The following USH2A variants were observed in gnomAD, a reference collection of about 807,000 sequenced individuals.
USH2A encodes usherin.
A neutral mutation model predicts 538.9 loss-of-function variants in USH2A; 443 were observed. The observed-to-expected ratio is 0.82, with a 90% confidence interval of 0.76 to 0.89. The LOEUF (loss-of-function observed/expected upper bound fraction) is 0.89, where lower values mean the gene tolerates loss of function less well. Among genes scored for constraint, USH2A ranks in the 40% least tolerant of loss-of-function variants. The pLI, the probability that USH2A is intolerant of heterozygous loss-of-function variation, is 0.00. For synonymous variants in USH2A, 2,413 were observed against 2,273.5 expected (o/e 1.06, Z -1.75); for missense variants, 6,633 against 6,324.8 (o/e 1.05, Z -1.65).
At chr1:215,865,321 C>G (rs1287200173) in intron 44 of USH2A, among the ~76,000 whole-genome samples, 1 of 152,238 alleles carries the variant, frequency 6.6e-6, no homozygotes, top group Admixed American at 6.5e-5. Context: ...ACCTACATCC[C>G]GAAGGTCAGA....
chr1:216,296,211 A>C (rs1048703310), intron 9 of USH2A, among the ~76,000 whole-genome samples: 13 of 152,112 alleles, frequency 8.5e-5, no homozygotes, highest in African/African-American at 3.1e-4. Flanking sequence ...CTACTTTTTA[A>C]TAATTGGTAA....
intron 2 of USH2A, among the ~76,000 whole-genome samples, chr1:216,419,074 A>T (rs1248433316): frequency 6.6e-6 from 1 of 151,604 alleles, no homozygotes; most frequent in Non-Finnish European, 1.5e-5. Flanking sequence ...CAGTGCAAAA[A>T]TTTTTTTTTA....
intron 56 of USH2A, among the ~76,000 whole-genome samples, chr1:215,761,953 A>G (rs1368813002): frequency 6.6e-6 from 1 of 152,164 alleles, no homozygotes; most frequent in Non-Finnish European, 1.5e-5. Context: ...GTACAGGTTA[A>G]GATTTTGACA....
At chr1:216,210,201 G>T (rs12085535) in intron 15 of USH2A, among the ~76,000 whole-genome samples, 4,095 of 151,942 alleles carry the variant, frequency 0.027, 196 homozygotes, top group African/African-American at 0.092. Flanking sequence ...AGTTGTCCAT[G>T]TGTTGAAGGC....
rs2102451648 is a variant in USH2A, at chr1:215,878,842, A to T, written c.8480T>A (p.Leu2827Ter). Residue 2827 changes from leucine (L) to a stop codon, truncating the protein, a stop_gained, in exon 42 of 72, where the codon TTG becomes TAG. Coordinates refer to ENST00000307340, the MANE Select transcript of USH2A (RefSeq NM_206933.4). LOFTEE classifies it high-confidence loss of function. ...TGATTCACTTAGTGGAATCACAGAC[A>T]ATGGGCCAACATTCTGAGGTACGGT... is the stretch of plus-strand genomic sequence containing the variant. ...HPTVPQNVGPLSVIPLSESYV... is the reference protein window; with the variant it reads ...HPTVPQNVGP 6.2e-7 allele frequency: 1 copy of T among 1,613,992 alleles called. No homozygotes were observed. Among genetic ancestry groups the T allele is most frequent in the Non-Finnish European group, 8.5e-7 (1 of 1,179,958 alleles).
At chr1:215,835,037 G>T (rs530540683) in intron 47 of USH2A, among the ~76,000 whole-genome samples, 9 of 151,150 alleles carry the variant, frequency 6.0e-5, no homozygotes, top group African/African-American at 2.2e-4. Flanking sequence ...TTTGTTTTAT[G>T]GTTAGAGAAT....
chr1:215,978,335 T>C lies in USH2A; in HGVS notation c.6806-7559A>G, dbSNP rs530833548. 4.6e-5 allele frequency among the ~76,000 whole-genome samples: 7 copies of C among 152,274 alleles called. No homozygotes were observed. In the East Asian group the frequency reaches 9.7e-4, roughly 21 times the overall value. ...TAAATTTAGTTGTGGAAACTGGCCA[T>C]CTTACCCCACTCTGGTCACTACTCT... is the stretch of plus-strand genomic sequence containing the variant. On this transcript the variant is annotated intron_variant, in intron 35 of 71. Coordinates refer to ENST00000307340, the MANE Select transcript of USH2A (RefSeq NM_206933.4).
chr1:215,786,549 A>T, intron 52 of USH2A, 121 bp downstream of exon 52: 1 of 1,096,704 alleles, frequency 9.1e-7, no homozygotes, highest in Non-Finnish European at 1.4e-6. Context: ...GCCTCAAAGT[A>T]TGATGGAATG....
In USH2A at chr1:216,281,691, G is replaced by A. The variant is rs147347821; in HGVS notation, c.1971+7589C>T. On this transcript the variant is annotated intron_variant, in intron 11 of 71. Coordinates refer to ENST00000307340, the MANE Select transcript of USH2A (RefSeq NM_206933.4). ...ACATTCACCAATAAGATTTTATGAG[G>A]ATATATGATACATACAGAGGAGTGA... Among the ~76,000 whole-genome samples, 1,363 of 152,144 alleles carry A rather than the reference G, an allele frequency of 9.0e-3. 8 individuals are homozygous for A. The highest frequency in any genetic ancestry group is 0.014 in the Non-Finnish European group (957 of 67,992).
intron 64 of USH2A, among the ~76,000 whole-genome samples, chr1:215,670,421 A>G (rs1657777742): frequency 6.6e-6 from 1 of 152,232 alleles, no homozygotes; most frequent in Admixed American, 6.5e-5. Flanking sequence ...CACAGAATTC[A>G]CCATATTTTC....
chr1:216,203,970 A>G (rs1380141502), intron 16 of USH2A: 1 of 162,552 alleles, frequency 6.2e-6, no homozygotes, highest in Non-Finnish European at 1.5e-5. Context: ...GGGTGTAGGG[A>G]GCAAATTATG....
In USH2A at chr1:215,816,995, A is replaced by G. The variant is rs749993302; in HGVS notation, c.9570+2T>C. ...TTCACTGATTAGTTAGAAAAGACTTACCTTAGCTTCAGAAGAATAGCAAAT... is the reference window on the plus strand; with the variant it reads ...TTCACTGATTAGTTAGAAAAGACTTGCCTTAGCTTCAGAAGAATAGCAAAT... On this transcript the variant is annotated splice_donor_variant, in intron 48 of 71. Coordinates refer to ENST00000307340, the MANE Select transcript of USH2A (RefSeq NM_206933.4). LOFTEE classifies it high-confidence loss of function. 6.2e-7 allele frequency: 1 copy of G among 1,612,166 alleles called. No homozygotes were observed. The highest frequency in any genetic ancestry group is 8.5e-7 in the Non-Finnish European group (1 of 1,178,588).
chr1:215,628,343 C>G (rs2797254), intron 71 of USH2A, among the ~76,000 whole-genome samples: 80,666 of 151,836 alleles, frequency 0.53, 23,476 homozygotes, highest in Non-Finnish European at 0.66. Flanking sequence ...AGTGCAGTGG[C>G]GCGGTCTCGG....
intron 70 of USH2A, chr1:215,630,352 T>G: frequency 2.3e-6 from 1 of 442,646 alleles, no homozygotes; most frequent in Non-Finnish European, 4.5e-6. Flanking sequence ...ATACCCATAT[T>G]TAATACTGCT....
intron 38 of USH2A, among the ~76,000 whole-genome samples, chr1:215,922,026 A>C (rs1558162892): frequency 6.6e-6 from 1 of 152,200 alleles, no homozygotes; most frequent in South Asian, 2.1e-4. Context: ...TCCTAGAAGG[A>C]AAAATCTTAG....
At chr1:215,773,336 G>C (rs1661346222) in intron 55 of USH2A, among the ~76,000 whole-genome samples, 1 of 151,934 alleles carries the variant, frequency 6.6e-6, no homozygotes, top group Non-Finnish European at 1.5e-5. Flanking sequence ...GATTAGGGTG[G>C]GGTGACCAGC....
intron 15 of USH2A, among the ~76,000 whole-genome samples, chr1:216,211,341 C>T (rs888524568): frequency 6.6e-6 from 1 of 152,098 alleles, no homozygotes; most frequent in African/African-American, 2.4e-5. Context: ...TGGGGACTGA[C>T]CCCTCACCCG....
chr1:216,254,761 C>G (rs186613531), intron 11 of USH2A, among the ~76,000 whole-genome samples: 69 of 152,236 alleles, frequency 4.5e-4, no homozygotes, highest in Middle Eastern at 6.8e-3. Context: ...GCTGCTTGAC[C>G]AGCTAGCTAA....
At chr1:216,155,114 A>C (rs2033911851) in intron 21 of USH2A, among the ~76,000 whole-genome samples, 1 of 152,100 alleles carries the variant, frequency 6.6e-6, no homozygotes, top group African/African-American at 2.4e-5. Context: ...TCTAACCTTC[A>C]AGCTGTCTTT....
Sources: allele counts gnomAD v4.1 joint callset (sites outside exome capture counted in the v4.1 genomes callset), GRCh38; gene constraint gnomAD v4.1.1; transcripts MANE v1.5; gene names NCBI Gene and HGNC (gene_info 2026-07-23, HGNC 2026-07-21).